The following PAN3 variants were observed in gnomAD, a reference collection of about 807,000 sequenced individuals.
PAN3 encodes PAN2-PAN3 deadenylation complex subunit PAN3.
A neutral mutation model predicts 96.2 loss-of-function variants in PAN3; 19 were observed. The ratio of observed to expected loss-of-function variants is 0.20; its 90% CI spans 0.14 to 0.29. The LOEUF (loss-of-function observed/expected upper bound fraction) is 0.29, where lower values mean the gene tolerates loss of function less well. Ranked by LOEUF, PAN3 falls within the 10% of genes least tolerant of loss-of-function variation. The probability of loss-of-function intolerance (pLI) is 1.00; values close to 1 mark genes in which losing one functional copy is unlikely to be tolerated. For missense variants in PAN3, 882 were observed against 1,108.1 expected (o/e 0.80, Z 2.90); for synonymous variants, 433 against 406.6 (o/e 1.06, Z -0.78).
At chr13:28,203,141 G>C (rs1451305690) in intron 5 of PAN3, among the ~76,000 whole-genome samples, 2 of 148,330 alleles carry the variant, frequency 1.3e-5, no homozygotes, top group Admixed American at 1.3e-4. Context: ...TTTTTTTTTT[G>C]GTAGAAACAG....
chr13:28,229,938 G>A (rs1882369109), intron 6 of PAN3, among the ~76,000 whole-genome samples: 1 of 152,148 alleles, frequency 6.6e-6, no homozygotes. Context: ...TTTTGAGAAT[G>A]ACTGCTCGAT....
intron 5 of PAN3, among the ~76,000 whole-genome samples, chr13:28,216,602 G>A (rs976145997): frequency 1.3e-5 from 2 of 152,224 alleles, no homozygotes; most frequent in South Asian, 2.1e-4. Flanking sequence ...AAAGCAGGCC[G>A]AGCTCTTTAA....
intron 6 of PAN3, among the ~76,000 whole-genome samples, chr13:28,229,912 T>G (rs1245971263): frequency 6.6e-6 from 1 of 152,188 alleles, no homozygotes; most frequent in Non-Finnish European, 1.5e-5. Context: ...ATGCTGCTGC[T>G]TGTCCTGGGA....
chr13:28,244,129 G>A (rs1485949921), intron 6 of PAN3, among the ~76,000 whole-genome samples: 1 of 152,146 alleles, frequency 6.6e-6, no homozygotes, highest in Admixed American at 6.5e-5. Context: ...TCCACTGCTT[G>A]CTTTCTGTTT....
At chr13:28,288,447 C>A (rs778860968) in intron 18 of PAN3, among the ~76,000 whole-genome samples, 3 of 152,044 alleles carry the variant, frequency 2.0e-5, no homozygotes, top group African/African-American at 7.2e-5. Context: ...TTACAGGCAC[C>A]CATCACCATG....
rs1885602993 is a variant in PAN3 at position 28,260,454 on chromosome 13, C to T, written c.1256C>T (p.Pro419Leu). The change falls in exon 8 of 19, where the codon CCA (proline) becomes CTA (leucine). Residue 419 changes from proline (P) to leucine (L), a missense_variant. This residue lies in a region of PAN3 where 364 missense variants were observed against 513.6 expected (regional missense o/e 0.71). Transcript: ENST00000380958. Reference sequence around the variant, plus strand: ...CCCTTCCTACCTTTTTAGGTGTTTCCAAACTATCATATTTATCCTCCAACT... The same window carrying T: ...CCCTTCCTACCTTTTTAGGTGTTTCTAAACTATCATATTTATCCTCCAACT... Reference protein sequence around the residue: ...TPAPLTGMVFPNYHIYPPTAP... With the variant: ...TPAPLTGMVFLNYHIYPPTAP... 6.2e-7 allele frequency: 1 copy of T among 1,610,684 alleles called. No homozygotes were observed. The highest frequency in any genetic ancestry group is 8.5e-7 in the Non-Finnish European group (1 of 1,177,134).
At chr13:28,242,099 T>C (rs186789452) in intron 6 of PAN3, among the ~76,000 whole-genome samples, 1 of 152,350 alleles carries the variant, frequency 6.6e-6, no homozygotes, top group African/African-American at 2.4e-5. Flanking sequence ...GTCAGAAGAA[T>C]GTCCTTCATC....
chr13:28,183,515 G>C (rs1876068610), intron 4 of PAN3, among the ~76,000 whole-genome samples: 1 of 152,214 alleles, frequency 6.6e-6, no homozygotes, highest in African/African-American at 2.4e-5. Flanking sequence ...TTTAGGCTTA[G>C]AGATATGTTT....
At chr13:28,237,062 C>A (rs1240349416) in intron 6 of PAN3, among the ~76,000 whole-genome samples, 1 of 151,954 alleles carries the variant, frequency 6.6e-6, no homozygotes, top group Non-Finnish European at 1.5e-5. Flanking sequence ...TGTGGAGTTT[C>A]TTTTTATCTT....
At chr13:28,161,404 A>G (rs1872865178) in intron 1 of PAN3, among the ~76,000 whole-genome samples, 1 of 152,062 alleles carries the variant, frequency 6.6e-6, no homozygotes, top group South Asian at 2.1e-4. Flanking sequence ...TGTCATCTTT[A>G]CTTGATGTTT....
intron 7 of PAN3, among the ~76,000 whole-genome samples, chr13:28,258,097 C>T (rs1211678007): frequency 6.6e-6 from 1 of 152,036 alleles, no homozygotes; most frequent in Non-Finnish European, 1.5e-5. Flanking sequence ...GGATTACAGG[C>T]GTGAGCCACC....
rs555687853 is a variant in PAN3 at position 28,263,949 on chromosome 13, C to A, written c.1411+2491C>A. Among the ~76,000 whole-genome samples the A allele has an allele frequency of 2.6e-5, 4 of 152,240 alleles. No individual in the cohort carries two copies. The South Asian group carries it at 8.3e-4, about 32-fold the overall frequency. ...CAACTTAGACATTTTCAAACAAACACCGCCCTATGTTTCTGACTATCCCTT... is the reference window on the plus strand; with the variant it reads ...CAACTTAGACATTTTCAAACAAACAACGCCCTATGTTTCTGACTATCCCTT... On this transcript the variant is annotated intron_variant, in intron 9 of 18. Transcript: ENST00000380958.
chr13:28,218,440 A>G (rs1881042732), intron 5 of PAN3, among the ~76,000 whole-genome samples: 2 of 152,202 alleles, frequency 1.3e-5, no homozygotes, highest in Admixed American at 1.3e-4. Context: ...CAAGAAAGGA[A>G]GGAGAGTTTT....
intron 1 of PAN3, among the ~76,000 whole-genome samples, chr13:28,155,104 C>T (rs1393721512): frequency 6.6e-6 from 1 of 151,898 alleles, no homozygotes; most frequent in African/African-American, 2.4e-5. Flanking sequence ...GCGTGAGCCA[C>T]CGCGCACGGC....
intron 17 of PAN3, among the ~76,000 whole-genome samples, chr13:28,281,952 G>A (rs1208282947): frequency 6.6e-6 from 1 of 152,014 alleles, no homozygotes; most frequent in Non-Finnish European, 1.5e-5. Context: ...TGTATTTTTA[G>A]TGGAGATAGG....
intron 12 of PAN3, 110 bp from the exon 13 acceptor site, chr13:28,270,591 A>G: frequency 9.2e-7 from 1 of 1,082,850 alleles, no homozygotes; most frequent in Non-Finnish European, 1.3e-6. Context: ...ATAAATTGAC[A>G]TGTTGTGCCA....
intron 6 of PAN3, among the ~76,000 whole-genome samples, chr13:28,230,023 G>A (rs189587814): frequency 6.6e-5 from 10 of 151,582 alleles, no homozygotes; most frequent in East Asian, 1.9e-4. Context: ...TCTGCTGAGA[G>A]CTAAGAACAC....
At chr13:28,183,619 C>T (rs1876084515) in intron 4 of PAN3, among the ~76,000 whole-genome samples, 1 of 152,126 alleles carries the variant, frequency 6.6e-6, no homozygotes, top group African/African-American at 2.4e-5. Flanking sequence ...CTCAGAGCCT[C>T]TTGGAGAATT....
intron 10 of PAN3, 32 bp downstream of exon 10, chr13:28,266,908 C>T (rs1174074501): frequency 5.3e-6 from 8 of 1,499,652 alleles, no homozygotes; most frequent in South Asian, 2.8e-5. Flanking sequence ...CTTTTATAAT[C>T]GTATCATTGA....
Sources: allele counts gnomAD v4.1 joint callset (sites outside exome capture counted in the v4.1 genomes callset), GRCh38; gene constraint gnomAD v4.1.1; regional missense constraint gnomAD v4.1.1; transcripts MANE v1.5; gene names NCBI Gene and HGNC (gene_info 2026-07-23, HGNC 2026-07-21).